The following SYT14 variants were observed in gnomAD, a reference collection of about 807,000 sequenced individuals.
The protein encoded by SYT14 is synaptotagmin 14.
A neutral mutation model predicts 74.2 loss-of-function variants in SYT14; 32 were observed. That is an observed-to-expected ratio of 0.43 (90% CI 0.33 to 0.58). The LOEUF (loss-of-function observed/expected upper bound fraction) is 0.58, where lower values mean the gene tolerates loss of function less well. Among genes scored for constraint, SYT14 ranks in the 20% least tolerant of loss-of-function variants. The pLI is 0.05. For missense variants in SYT14, 791 were observed against 981.8 expected, an observed-to-expected ratio of 0.81 and a Z score of 2.60; for synonymous variants, 298 against 337.7, an observed-to-expected ratio of 0.88 and a Z score of 1.29.
intron 5 of SYT14, among the ~76,000 whole-genome samples, chr1:210,048,317 C>A (rs2080924726): frequency 6.6e-6 from 1 of 152,090 alleles, no homozygotes; most frequent in Non-Finnish European, 1.5e-5. Flanking sequence ...CATTTTCACA[C>A]CACTGATAAA....
chr1:210,081,030 T>C (rs957583628), intron 5 of SYT14, among the ~76,000 whole-genome samples: 1 of 152,124 alleles, frequency 6.6e-6, no homozygotes, highest in South Asian at 2.1e-4. Flanking sequence ...GGGAAGGGCA[T>C]GTACCAAAGA....
At position 210,107,327 on chromosome 1, in the gene SYT14, T is replaced by C. The variant is rs185901176; in HGVS notation, c.2034+6866T>C. On this transcript the variant is annotated intron_variant, in intron 7 of 9. Coordinates refer to ENST00000637265, the Ensembl canonical transcript of SYT14. ...TAGATAGGGAATTATCTATTGACAA[T>C]TACAATTGTCAACTACAATTCAAGG... Among the ~76,000 whole-genome samples, 3 of 152,252 alleles carry C rather than the reference T, an allele frequency of 2.0e-5. No homozygotes were observed. In the East Asian group the frequency reaches 5.8e-4, roughly 29 times the overall value.
At chr1:210,144,102 C>G (rs1479262350) in intron 7 of SYT14, among the ~76,000 whole-genome samples, 1 of 152,136 alleles carries the variant, frequency 6.6e-6, no homozygotes, top group African/African-American at 2.4e-5. Context: ...GCAATTGCTG[C>G]TAATACGTTT....
intron 2 of SYT14, among the ~76,000 whole-genome samples, chr1:209,968,855 C>T (rs2079198884): frequency 6.6e-6 from 1 of 151,848 alleles, no homozygotes; most frequent in Admixed American, 6.6e-5. Context: ...AGGTAGTGAA[C>T]ATAGTATCCA....
intron 7 of SYT14, among the ~76,000 whole-genome samples, chr1:210,113,996 T>TA (rs2082311484): frequency 6.6e-6 from 1 of 151,424 alleles, no homozygotes; most frequent in Admixed American, 6.5e-5. Context: ...GGGACGGACT[T>TA]ACCTTCCACT....
intron 1 of SYT14, among the ~76,000 whole-genome samples, chr1:209,942,373 C>A (rs201670404): frequency 0.066 from 7,600 of 114,958 alleles, 1,321 homozygotes; most frequent in East Asian, 0.5. Context: ...CCCCCCCCCC[C>A]GCTCTGTTGT....
chr1:209,993,294 A>G (rs924430235), intron 2 of SYT14, among the ~76,000 whole-genome samples: 1 of 152,212 alleles, frequency 6.6e-6, no homozygotes, highest in Non-Finnish European at 1.5e-5. Flanking sequence ...CTCCTTGGAC[A>G]CATGCCTAGC....
intron 2 of SYT14, among the ~76,000 whole-genome samples, chr1:209,991,611 T>C (rs1202472469): frequency 6.6e-6 from 1 of 152,152 alleles, no homozygotes; most frequent in Non-Finnish European, 1.5e-5. Flanking sequence ...GAATAGCTGT[T>C]ATTAAAAAGT....
chr1:210,069,626 TGTTAA>T lies in SYT14; in HGVS notation c.1313-24691_1313-24687del, dbSNP rs141295547. Among the ~76,000 whole-genome samples, 2,450 of 152,130 alleles carry T rather than the reference TGTTAA, an allele frequency of 0.016. 181 individuals carry two copies. In the East Asian group the frequency reaches 0.25, roughly 15 times the overall value. On this transcript the variant is annotated intron_variant, in intron 5 of 9. Transcript: ENST00000637265. The stretch of plus-strand genomic sequence containing the variant: ...TACACAGCTTTTAAAAATTGGTATT[TGTTAA>T]GTTATCTTTTTTATTCTTTAATATT...
intron 5 of SYT14, among the ~76,000 whole-genome samples, chr1:210,024,456 A>G (rs986564175): frequency 1.3e-5 from 2 of 152,184 alleles, no homozygotes; most frequent in Non-Finnish European, 2.9e-5. Flanking sequence ...ATCAGAGATG[A>G]CTGATTTCCT....
intron 7 of SYT14, among the ~76,000 whole-genome samples, chr1:210,148,154 T>TA (rs1373708558): frequency 8.5e-5 from 13 of 152,262 alleles, no homozygotes; most frequent in African/African-American, 2.9e-4. Context: ...TGGAAATACT[T>TA]ACGCACAAAC....
intron 7 of SYT14, among the ~76,000 whole-genome samples, chr1:210,151,892 C>T (rs371984631): frequency 1.3e-5 from 2 of 152,096 alleles, no homozygotes; most frequent in African/African-American, 4.8e-5. Flanking sequence ...CTTTGGGCAT[C>T]GCTTTGTTTC....
chr1:209,958,858 A>ATAATC (rs1174536137), intron 2 of SYT14, among the ~76,000 whole-genome samples: 1 of 152,176 alleles, frequency 6.6e-6, no homozygotes, highest in African/African-American at 2.4e-5. Flanking sequence ...CTAAAAGGAT[A>ATAATC]CTCTATAATC....
chr1:209,950,447 C>T (rs1425909868), intron 1 of SYT14, among the ~76,000 whole-genome samples: 1 of 152,128 alleles, frequency 6.6e-6, no homozygotes, highest in East Asian at 1.9e-4. Flanking sequence ...TTCATTCTAG[C>T]CTTTCAGCAA....
At chr1:210,020,872 TATATATGTGTGC>T (rs1288910914) in intron 4 of SYT14, among the ~76,000 whole-genome samples, 155 bp from the exon 4 acceptor site, 1 of 152,114 alleles carries the variant, frequency 6.6e-6, no homozygotes, top group Non-Finnish European at 1.5e-5. Flanking sequence ...TGTGTGTGTG[TATATATGTGTGC>T]ATATATGTAT....
intron 7 of SYT14, among the ~76,000 whole-genome samples, chr1:210,118,240 AAG>A (rs139933160): frequency 0.032 from 4,935 of 152,260 alleles, 562 homozygotes; most frequent in Admixed American, 0.23. Context: ...TAAATTGAGA[AAG>A]AGGGGATAAA....
intron 7 of SYT14, among the ~76,000 whole-genome samples, chr1:210,112,699 T>G (rs978154861): frequency 2.6e-5 from 4 of 151,384 alleles, no homozygotes; most frequent in Admixed American, 6.6e-5. Flanking sequence ...GACTCCAGCT[T>G]CCTTTGGAAG....
exon 4 of SYT14, chr1:210,017,071 A>G: frequency 8.1e-7 from 1 of 1,231,782 alleles, no homozygotes; most frequent in African/African-American, 1.5e-5. Context: ...GTAAAGATGA[A>G]AAATATTCTA....
chr1:210,132,277 C>T (rs1026679839), intron 7 of SYT14, among the ~76,000 whole-genome samples: 2 of 152,042 alleles, frequency 1.3e-5, no homozygotes, highest in African/African-American at 4.8e-5. Context: ...ACGCCAAGTC[C>T]ACCTCTTCAT....
Sources: allele counts gnomAD v4.1 joint callset (sites outside exome capture counted in the v4.1 genomes callset), GRCh38; gene constraint gnomAD v4.1.1; transcripts MANE v1.5; gene names NCBI Gene and HGNC (gene_info 2026-07-23, HGNC 2026-07-21).